C12orf50: variants seen among roughly 807,000 people sequenced by gnomAD.
C12orf50 encodes the protein zinc finger CCCH-type containing 11D, also known as uncharacterized protein C12orf50.
C12orf50 carries 35 observed loss-of-function variants against 61.6 expected under a neutral mutation model. The ratio of observed to expected loss-of-function variants is 0.57; its 90% CI spans 0.43 to 0.75. The LOEUF is 0.75. C12orf50 is among the 30% of genes least tolerant of loss of function. The pLI, the probability that C12orf50 is intolerant of heterozygous loss-of-function variation, is 0.00. For missense variants in C12orf50, 475 were observed against 488.5 expected (o/e 0.97, Z 0.26); for synonymous variants, 178 against 161.5 (o/e 1.10, Z -0.77).
chr12:88,005,001 AC>A (rs1395353306), intron 3 of C12orf50, among the ~76,000 whole-genome samples: 2 of 152,140 alleles, frequency 1.3e-5, no homozygotes, highest in African/African-American at 4.8e-5. Flanking sequence ...TATCTTTAGA[AC>A]CAACTTGCAC....
At chr12:88,025,885 TGTG>T (rs2032686126) in intron 3 of C12orf50, among the ~76,000 whole-genome samples, 1 of 152,262 alleles carries the variant, frequency 6.6e-6, no homozygotes, top group Non-Finnish European at 1.5e-5. Flanking sequence ...TGGTTTACAC[TGTG>T]GTGTCTTCTG....
Position 87,980,214 on chromosome 12 carries a change from A to G in C12orf50, c.*117T>C. 1.0e-6 allele frequency: 1 copy of G among 977,416 alleles called. No homozygotes were observed. Among genetic ancestry groups the G allele is most frequent in the South Asian group, 1.4e-5 (1 of 70,520 alleles). 60.5% of individuals were successfully genotyped at this position (977,416 alleles called of 1,614,324 possible). A position where few individuals can be genotyped will look rare whatever the true frequency, so the allele number is the denominator to read the frequency against. On this transcript the variant is annotated 3_prime_UTR_variant, in exon 13 of 13. Coordinates refer to ENST00000298699, the MANE Select transcript of C12orf50 (RefSeq NM_152589.3). The stretch of plus-strand genomic sequence containing the variant: ...ATTTGCATTTTTATCATCTTTGGCT[A>G]TCCACTACATAACATGGAGTACTTG...
At chr12:88,005,913 T>TG in intron 3 of C12orf50, among the ~76,000 whole-genome samples, 1 of 95,384 alleles carries the variant, frequency 1.0e-5, no homozygotes, top group African/African-American at 6.6e-5. Flanking sequence ...GTTTTTTTGG[T>TG]TTTTTTTTTT....
chr12:88,009,431 T>C (rs1453792181), intron 3 of C12orf50, among the ~76,000 whole-genome samples: 3 of 152,106 alleles, frequency 2.0e-5, no homozygotes, highest in Non-Finnish European at 4.4e-5. Context: ...TTTTAATTTC[T>C]TCCTTTTCAA....
intron 3 of C12orf50, among the ~76,000 whole-genome samples, chr12:88,021,467 G>C (rs1386150582): frequency 6.6e-6 from 1 of 151,988 alleles, no homozygotes; most frequent in Admixed American, 6.6e-5. Flanking sequence ...GTGAAACCCA[G>C]TCTCTACTAA....
At chr12:88,019,289 CT>C (rs2032426382) in intron 3 of C12orf50, among the ~76,000 whole-genome samples, 1 of 152,196 alleles carries the variant, frequency 6.6e-6, no homozygotes, top group Admixed American at 6.5e-5. Context: ...AACTCTCTTT[CT>C]TTGCTGCTGC....
At chr12:87,991,544 G>C (rs1338901085) in intron 7 of C12orf50, among the ~76,000 whole-genome samples, 1 of 152,104 alleles carries the variant, frequency 6.6e-6, no homozygotes, top group Non-Finnish European at 1.5e-5. Context: ...GATTTATCTA[G>C]AGAAGTCAAT....
intron 8 of C12orf50, among the ~76,000 whole-genome samples, 153 bp downstream of exon 8, chr12:87,989,111 A>G (rs2030991760): frequency 6.6e-6 from 1 of 152,138 alleles, no homozygotes; most frequent in African/African-American, 2.4e-5. Flanking sequence ...AGTTAGGGGC[A>G]GAGCCAGGAC....
chr12:87,995,484 A>C (rs2031340784), intron 6 of C12orf50, among the ~76,000 whole-genome samples: 1 of 152,110 alleles, frequency 6.6e-6, no homozygotes. Context: ...GTATATTTAG[A>C]GAGAGTGAAA....
chr12:88,005,725 C>T (rs1388252358), intron 3 of C12orf50, among the ~76,000 whole-genome samples: 1 of 151,654 alleles, frequency 6.6e-6, no homozygotes, highest in Non-Finnish European at 1.5e-5. Context: ...CTGCAAGCTC[C>T]GCCTCCCCGG....
chr12:88,026,655 T>G, intron 2 of C12orf50, 47 bp from the exon 3 acceptor site: 1 of 1,599,066 alleles, frequency 6.3e-7, no homozygotes, highest in East Asian at 2.2e-5. Flanking sequence ...GATGCCATAT[T>G]TACAACAAAT....
At chr12:87,999,189 C>T (rs887933370) in intron 3 of C12orf50, among the ~76,000 whole-genome samples, 2 of 152,106 alleles carry the variant, frequency 1.3e-5, no homozygotes, top group African/African-American at 4.8e-5. Context: ...AAGAAACACT[C>T]AGAACCCCAA....
rs1011414310 is a variant in C12orf50 at position 87,994,752 on chromosome 12, A to G, written c.482-9T>C. On this transcript the variant is annotated splice_polypyrimidine_tract_variant and intron_variant, in intron 6 of 12. Transcript: ENST00000298699. ...AACTGTAAGACTATCTCCTAGAAAT[A>G]AGAAGAAAAAAAAGTCACCCCAGAA... 1.3e-6 allele frequency: 2 copies of G among 1,571,336 alleles called. No homozygotes were observed. Among genetic ancestry groups the G allele is most frequent in the African/African-American group, 2.7e-5 (2 of 73,500 alleles).
chr12:88,001,553 T>A (rs2031655755), intron 3 of C12orf50, among the ~76,000 whole-genome samples: 1 of 151,366 alleles, frequency 6.6e-6, no homozygotes, highest in African/African-American at 2.4e-5. Context: ...TTGGAAGAAT[T>A]TATGACAAAT....
intron 3 of C12orf50, among the ~76,000 whole-genome samples, chr12:88,008,859 T>C (rs996279165): frequency 5.9e-5 from 9 of 152,186 alleles, no homozygotes; most frequent in Non-Finnish European, 1.2e-4. Flanking sequence ...TATGCATCCC[T>C]AAACATAAAG....
At chr12:87,986,933 A>C (rs1221138810) in intron 9 of C12orf50, among the ~76,000 whole-genome samples, 1 of 152,148 alleles carries the variant, frequency 6.6e-6, no homozygotes. Context: ...ATAAGTTCTA[A>C]GAATATTAAA....
At chr12:88,007,565 T>C (rs564774245) in intron 3 of C12orf50, among the ~76,000 whole-genome samples, 1 of 152,282 alleles carries the variant, frequency 6.6e-6, no homozygotes, top group South Asian at 2.1e-4. Context: ...AAATGCTGTG[T>C]CCTCACACAG....
chr12:87,983,795 G>T (rs2030654200), intron 11 of C12orf50: 1 of 134,116 alleles, frequency 7.5e-6, no homozygotes, highest in Non-Finnish European at 1.7e-5. Flanking sequence ...TATCATTGTT[G>T]GACATTTGGG....
At chr12:88,007,124 T>C (rs190296898) in intron 3 of C12orf50, among the ~76,000 whole-genome samples, 1 of 152,302 alleles carries the variant, frequency 6.6e-6, no homozygotes, top group East Asian at 1.9e-4. Flanking sequence ...ATCACAATTT[T>C]TTAAATGCAA....
Sources: gnomAD v4.1 joint callset for allele counts (sites outside exome capture counted in the v4.1 genomes callset) on GRCh38, gnomAD v4.1.1 for gene constraint, MANE v1.5 for transcripts, NCBI Gene and HGNC (gene_info 2026-07-23, HGNC 2026-07-21) for gene names.